TEX15: variants seen among roughly 807,000 people sequenced by gnomAD.
TEX15 encodes the protein testis-expressed protein 15.
Under a neutral mutation model 237.3 loss-of-function variants are expected in TEX15, and 171 were observed. That is an observed-to-expected ratio of 0.72 (90% CI 0.64 to 0.82). The LOEUF is 0.82. TEX15 is among the 40% of genes least tolerant of loss of function. TEX15 has a pLI of 0.00. For synonymous variants in TEX15, 1,338 were observed against 1,269.8 expected (o/e 1.05, Z -1.14); for missense variants, 3,750 against 3,646.5 (o/e 1.03, Z -0.73).
Position 30,842,450 on chromosome 8 carries a change from C to T in TEX15, c.7717G>A (p.Ala2573Thr), listed in dbSNP as rs1466130057. Residue 2573 changes from alanine to threonine, a missense_variant, in exon 8 of 11, where the codon GCA (alanine) becomes ACA (threonine). By Grantham distance (58) the Ala-to-Thr change is moderately conservative (BLOSUM62 0). Coordinates refer to ENST00000643185, the MANE Select transcript of TEX15 (RefSeq NM_001350162.2). ...STYIDFVPYIASINYGSTVTE... is the reference protein window; with the variant it reads ...STYIDFVPYITSINYGSTVTE... ...ACAGTGCTTCCATAATTTATGGATG[C>T]TATATATGGCACAAAGTCAATATAT... 3 of 1,613,400 alleles carry T rather than the reference C, an allele frequency of 1.9e-6. No homozygotes were observed. Among genetic ancestry groups the T allele is most frequent in the South Asian group, 2.2e-5 (2 of 90,974 alleles).
At chr8:30,869,478 A>G (rs772689320) in intron 4 of TEX15, among the ~76,000 whole-genome samples, 8 of 152,056 alleles carry the variant, frequency 5.3e-5, no homozygotes, top group Non-Finnish European at 8.8e-5. Context: ...TTTATACACA[A>G]TAAGCTTGCT....
At chr8:30,895,307 A>AG (rs1012699697) in intron 2 of TEX15, among the ~76,000 whole-genome samples, 1 of 151,376 alleles carries the variant, frequency 6.6e-6, no homozygotes, top group Non-Finnish European at 1.5e-5. Flanking sequence ...CAAAAAAAAA[A>AG]AAAAAAAAAA....
chr8:30,856,968 T>C (rs939973105), intron 7 of TEX15, among the ~76,000 whole-genome samples: 1 of 152,194 alleles, frequency 6.6e-6, no homozygotes, highest in African/African-American at 2.4e-5. Flanking sequence ...AACAAAAAAT[T>C]ATTTTTAAAA....
Position 30,845,026 on chromosome 8 carries a change from T to C in TEX15, c.5141A>G (p.Lys1714Arg). The change falls in exon 8 of 11, where the codon AAG (lysine) becomes AGG (arginine). Residue 1714 changes from lysine (K) to arginine (R), a missense_variant. Coordinates refer to ENST00000643185, the MANE Select transcript of TEX15 (RefSeq NM_001350162.2). ...PLNLTLIASK[K>R]YSIPQLSAAA... ...GGCTGATAACTGAGGAATACTGTAC[T>C]TTTTACTTGCTATCAAAGTTAGGTT... 6.2e-7 allele frequency: 1 copy of C among 1,613,648 alleles called. No homozygotes were observed. The highest frequency in any genetic ancestry group is 8.5e-7 in the Non-Finnish European group (1 of 1,179,580).
intron 1 of TEX15, among the ~76,000 whole-genome samples, chr8:30,900,183 GT>G (rs1215790790): frequency 3.3e-5 from 5 of 152,142 alleles, no homozygotes; most frequent in African/African-American, 9.7e-5. Flanking sequence ...TGACTTACTA[GT>G]TCGTGTATAT....
At position 30,837,299 on chromosome 8, in the gene TEX15, A is replaced by C; in HGVS notation, c.8985T>G (p.Ser2995=). 6.2e-7 allele frequency: 1 copy of C among 1,614,208 alleles called. No homozygotes were observed. Among genetic ancestry groups the C allele is most frequent in the Non-Finnish European group, 8.5e-7 (1 of 1,180,042 alleles). The stretch of plus-strand genomic sequence containing the variant: ...TTTTGTCATTCTGTTGTTCAGAAAG[A>C]GAGTACTCTGCTCCTTGATTCACAT... ...TLNVNQGAEY[S]LSEQQNDKNS... The change falls in exon 10 of 11, where the codon TCT becomes TCG. Residue 2995 remains serine (S), a synonymous_variant. Transcript: ENST00000643185.
intron 7 of TEX15, among the ~76,000 whole-genome samples, chr8:30,856,049 G>A (rs563747012): frequency 7.2e-5 from 11 of 152,092 alleles, no homozygotes; most frequent in Non-Finnish European, 1.0e-4. Context: ...AGGTTCAAGC[G>A]ATTCTCCTGC....
intron 7 of TEX15, among the ~76,000 whole-genome samples, chr8:30,856,467 T>C (rs555770610): frequency 2.6e-5 from 4 of 152,040 alleles, no homozygotes; most frequent in East Asian, 3.9e-4. Context: ...GACGGGAGGA[T>C]TGCTTGAGCT....
intron 7 of TEX15, among the ~76,000 whole-genome samples, chr8:30,855,214 A>C (rs1807884168): frequency 6.6e-6 from 1 of 152,178 alleles, no homozygotes; most frequent in Non-Finnish European, 1.5e-5. Context: ...CACTAAAAAA[A>C]ATCTATTAGA....
In TEX15 at chr8:30,845,496, C is replaced by A. The variant is rs758511830; in HGVS notation, c.4671G>T (p.Leu1557=). The A allele has an allele frequency of 2.5e-6, 4 of 1,613,456 alleles. No homozygotes were observed. Among genetic ancestry groups the A allele is most frequent in the Non-Finnish European group, 3.4e-6 (4 of 1,179,562 alleles). ...HQPFSGKTAY[L]FSPDHSDEKL... is the part of the protein sequence containing the mutation. Reference sequence around the variant, plus strand: ...TCTCATCTGAGTGGTCTGGGGAAAACAGATATGCAGTTTTTCCAGAAAAGG... The same window carrying A: ...TCTCATCTGAGTGGTCTGGGGAAAAAAGATATGCAGTTTTTCCAGAAAAGG... Residue 1557 remains leucine, a synonymous_variant, in exon 8 of 11, where the codon CTG becomes CTT. Transcript: ENST00000643185.
intron 3 of TEX15, 58 bp downstream of exon 3, chr8:30,887,109 A>G: frequency 7.1e-7 from 1 of 1,400,660 alleles, no homozygotes; most frequent in Non-Finnish European, 9.5e-7. Flanking sequence ...ACATAAACTA[A>G]GAATCAGAGA....
At chr8:30,905,890 T>A (rs566215225) in intron 1 of TEX15, among the ~76,000 whole-genome samples, 1 of 151,340 alleles carries the variant, frequency 6.6e-6, no homozygotes, top group East Asian at 2.0e-4. Context: ...TGGGTGAGAG[T>A]GACACCCTGT....
chr8:30,875,068 C>A lies in TEX15; in HGVS notation c.171G>T (p.Glu57Asp). The A allele has an allele frequency of 7.8e-7, 1 of 1,274,842 alleles. No individual in the cohort carries two copies. The highest frequency in any genetic ancestry group is 9.9e-7 in the Non-Finnish European group (1 of 1,009,014). The allele number at this position is 1,274,842 out of a possible 1,614,324, so 79.0% of individuals were successfully genotyped here. A position where few individuals can be genotyped will look rare whatever the true frequency, so the allele number is the denominator to read the frequency against. Reference sequence around the variant, plus strand: ...TAAGAGTATCATGTATAAAACTATACTCTCTACTATTGGTGTAACAAGGTG... The same window carrying A: ...TAAGAGTATCATGTATAAAACTATAATCTCTACTATTGGTGTAACAAGGTG... Reference protein sequence around the residue: ...YLSPCYTNSREYSFIHDTLNQ... With the variant: ...YLSPCYTNSRDYSFIHDTLNQ... Residue 57 changes from glutamate (E) to aspartate (D), a missense_variant, in exon 4 of 11, where the codon GAG becomes GAT. Transcript: ENST00000643185.
chr8:30,850,933 G>A (rs4733203), intron 7 of TEX15, among the ~76,000 whole-genome samples: 9,301 of 151,928 alleles, frequency 0.061, 526 homozygotes, highest in Admixed American at 0.19. Context: ...TAAACAGTAA[G>A]ATCCATTAAA....
intron 10 of TEX15, 40 bp from the exon 11 acceptor site, chr8:30,833,363 T>C: frequency 6.9e-7 from 1 of 1,457,150 alleles, no homozygotes; most frequent in East Asian, 2.3e-5. Flanking sequence ...ATAAATAATT[T>C]AGACTAATGG....
intron 5 of TEX15, among the ~76,000 whole-genome samples, chr8:30,864,655 G>C (rs1808122840): frequency 7.1e-6 from 1 of 140,128 alleles, no homozygotes; most frequent in African/African-American, 2.6e-5. Flanking sequence ...AGAATTTATT[G>C]TTACCAGACT....
intron 6 of TEX15, among the ~76,000 whole-genome samples, chr8:30,859,360 T>C (rs1340998351): frequency 6.6e-6 from 1 of 152,108 alleles, no homozygotes; most frequent in Non-Finnish European, 1.5e-5. Context: ...TTCCTACTTT[T>C]GCAAAGTATA....
At chr8:30,888,200 C>A (rs1167389561) in intron 2 of TEX15, among the ~76,000 whole-genome samples, 1 of 151,850 alleles carries the variant, frequency 6.6e-6, no homozygotes, top group Non-Finnish European at 1.5e-5. Context: ...CAGGCATGAG[C>A]CACCATGCCC....
rs1807556533 is a variant in TEX15 at position 30,844,837 on chromosome 8, C to A, written c.5330G>T (p.Cys1777Phe). Reference protein sequence around the residue: ...LKTEQCSSGNCLHTDGNETNV... With the variant: ...LKTEQCSSGNFLHTDGNETNV... ...TGTTTCATTCCCATCTGTATGGAGGCAATTACCTGAAGAGCACTGTTCTGT... is the reference window on the plus strand; with the variant it reads ...TGTTTCATTCCCATCTGTATGGAGGAAATTACCTGAAGAGCACTGTTCTGT... Residue 1777 changes from cysteine to phenylalanine, a missense_variant, in exon 8 of 11, where the codon TGC (cysteine) becomes TTC (phenylalanine). By Grantham distance (205) the Cys-to-Phe change is radical. Transcript: ENST00000643185. 2 of 1,613,302 alleles carry A rather than the reference C, an allele frequency of 1.2e-6. No homozygotes were observed. The highest frequency in any genetic ancestry group is 2.7e-5 in the African/African-American group (2 of 74,880).
Sources: allele counts gnomAD v4.1 joint callset (sites outside exome capture counted in the v4.1 genomes callset), GRCh38; gene constraint gnomAD v4.1.1; transcripts MANE v1.5; gene names NCBI Gene and HGNC (gene_info 2026-07-23, HGNC 2026-07-21).